ARHGEF33: variants seen among roughly 807,000 people sequenced by gnomAD.
The protein encoded by ARHGEF33 is Rho guanine nucleotide exchange factor 33.
A neutral mutation model predicts 101.9 loss-of-function variants in ARHGEF33; 72 were observed. The observed-to-expected ratio is 0.71, with a 90% confidence interval of 0.58 to 0.86. The LOEUF is 0.86. ARHGEF33 is among the 40% of genes least tolerant of loss of function. ARHGEF33 has a pLI of 0.00. For synonymous variants in ARHGEF33, 499 were observed against 442.5 expected, an observed-to-expected ratio of 1.13 and a Z score of -1.60; for missense variants, 1,169 against 1,111.3, an observed-to-expected ratio of 1.05 and a Z score of -0.74.
intron 17 of ARHGEF33, chr2:38,971,978 A>G (rs1572786844): frequency 2.8e-6 from 2 of 718,546 alleles, no homozygotes; most frequent in Non-Finnish European, 5.2e-6. Context: ...TGGAACCATC[A>G]AAGTGTGACA....
intron 9 of ARHGEF33, among the ~76,000 whole-genome samples, chr2:38,938,180 A>G (rs1382167817): frequency 6.6e-6 from 1 of 152,064 alleles, no homozygotes; most frequent in Non-Finnish European, 1.5e-5. Context: ...TTTCGGGGGC[A>G]TGGGGGAGGG....
intron 11 of ARHGEF33, among the ~76,000 whole-genome samples, chr2:38,951,469 T>C (rs543153788): frequency 6.6e-6 from 1 of 152,306 alleles, no homozygotes; most frequent in South Asian, 2.1e-4. Flanking sequence ...TATAAATGTA[T>C]GTATATATAT....
chr2:38,913,870 A>T (rs915428354), intron 2 of ARHGEF33, among the ~76,000 whole-genome samples: 2 of 152,164 alleles, frequency 1.3e-5, no homozygotes, highest in African/African-American at 4.8e-5. Flanking sequence ...ACAAATAAAC[A>T]GTTAATACGT....
intron 4 of ARHGEF33, among the ~76,000 whole-genome samples, chr2:38,923,606 T>C (rs1252087902): frequency 6.6e-6 from 1 of 152,342 alleles, no homozygotes; most frequent in East Asian, 1.9e-4. Context: ...CAGTGTAAAG[T>C]ACAATGCCTG....
In ARHGEF33 at chr2:38,973,755, C is replaced by T; in HGVS notation, c.2525C>T (p.Pro842Leu). The T allele has an allele frequency of 6.5e-7, 1 of 1,546,598 alleles. No individual in the cohort carries two copies. The highest frequency in any genetic ancestry group is 8.7e-7 in the Non-Finnish European group (1 of 1,145,072). Residue 842 changes from proline to leucine, a missense_variant, in exon 18 of 18, where the codon CCC becomes CTC. Pro to Leu is a moderately conservative substitution (Grantham distance 98, BLOSUM62 -3). Transcript: ENST00000409978. ...SEYREKTNEN[P>L]SMDPSPTKQD... ...TACAGGGAAAAAACTAATGAGAATC[C>T]CTCAATGGATCCTTCACCCACCAAA...
At position 38,937,494 on chromosome 2, in the gene ARHGEF33, T is replaced by A. The variant is rs1464291789; in HGVS notation, c.725T>A (p.Leu242His). 3 of 1,550,842 alleles carry A rather than the reference T, an allele frequency of 1.9e-6. No individual in the cohort carries two copies. The highest frequency in any genetic ancestry group is 8.7e-7 in the Non-Finnish European group (1 of 1,146,660). The stretch of plus-strand genomic sequence containing the variant: ...GTCACAAAAGACCACCCAGATAAAC[T>A]CAAGGAGGCTGGCCAGGGTAGACAC... ...EYVTKDHPDKLKEAGQGRHSS... is the reference protein window; with the variant it reads ...EYVTKDHPDKHKEAGQGRHSS... Residue 242 changes from leucine to histidine, a missense_variant, in exon 9 of 18, where the codon CTC becomes CAC. Coordinates refer to ENST00000409978, the MANE Select transcript of ARHGEF33 (RefSeq NM_001145451.5).
intron 10 of ARHGEF33, among the ~76,000 whole-genome samples, chr2:38,948,526 A>T (rs1667509478): frequency 6.6e-6 from 1 of 150,412 alleles, no homozygotes; most frequent in South Asian, 2.2e-4. Context: ...AAAGAAAGGG[A>T]GAAGGAAGGA....
chr2:38,946,894 G>A (rs754245075), intron 10 of ARHGEF33, among the ~76,000 whole-genome samples: 4 of 152,150 alleles, frequency 2.6e-5, no homozygotes, highest in Admixed American at 6.5e-5. Context: ...TCAAAGTGCT[G>A]GGATTACAGG....
intron 2 of ARHGEF33, among the ~76,000 whole-genome samples, chr2:38,903,749 A>G (rs757795445): frequency 5.9e-5 from 9 of 152,252 alleles, no homozygotes; most frequent in Admixed American, 5.2e-4. Context: ...GGGCCTAGAT[A>G]GAACACTAAA....
intron 9 of ARHGEF33, 24 bp downstream of exon 9, chr2:38,937,583 G>A (rs1003052233): frequency 9.1e-6 from 12 of 1,314,068 alleles, no homozygotes; most frequent in African/African-American, 1.5e-5. Flanking sequence ...GGGAATGCAG[G>A]CTAATAGTTT....
chr2:38,914,877 T>A (rs1572745313), intron 2 of ARHGEF33, among the ~76,000 whole-genome samples: 1 of 152,044 alleles, frequency 6.6e-6, no homozygotes, highest in South Asian at 2.1e-4. Flanking sequence ...TCAGTTGGGA[T>A]TGGGGAGGAA....
chr2:38,920,744 G>A (rs373244154), intron 3 of ARHGEF33, among the ~76,000 whole-genome samples: 66 of 152,130 alleles, frequency 4.3e-4, no homozygotes, highest in African/African-American at 1.3e-3. Flanking sequence ...CTTCCTCTGC[G>A]TGTGCCCTGT....
Position 38,937,477 on chromosome 2 carries a change from A to G in ARHGEF33, c.708A>G (p.Lys236=), listed in dbSNP as rs1473250077. The change falls in exon 9 of 18, where the codon AAA becomes AAG. Residue 236 remains lysine (K), a synonymous_variant. Coordinates refer to ENST00000409978, the MANE Select transcript of ARHGEF33 (RefSeq NM_001145451.5). ...GKEWGEEYVT[K]DHPDKLKEAG... ...AATGGGGTGAAGAATACGTCACAAA[A>G]GACCACCCAGATAAACTCAAGGAGG... 1.3e-5 allele frequency: 20 copies of G among 1,550,874 alleles called. No individual in the cohort carries two copies. Among genetic ancestry groups the G allele is most frequent in the Non-Finnish European group, 1.7e-5 (20 of 1,146,556 alleles).
chr2:38,922,035 C>T (rs1247604110), intron 4 of ARHGEF33, among the ~76,000 whole-genome samples: 1 of 152,168 alleles, frequency 6.6e-6, no homozygotes, highest in African/African-American at 2.4e-5. Context: ...TGCAAAACAT[C>T]TTTGCAGTAA....
chr2:38,900,278 T>C (rs1180596414), intron 2 of ARHGEF33, among the ~76,000 whole-genome samples: 3 of 152,126 alleles, frequency 2.0e-5, no homozygotes, highest in Admixed American at 2.0e-4. Flanking sequence ...TTTGAGAATG[T>C]AGCAGAAGAG....
chr2:38,960,970 C>CA (rs1667921595), intron 16 of ARHGEF33, among the ~76,000 whole-genome samples: 1 of 152,212 alleles, frequency 6.6e-6, no homozygotes, highest in Non-Finnish European at 1.5e-5. Context: ...GATTAACACA[C>CA]ACGCATTTAG....
intron 1 of ARHGEF33, among the ~76,000 whole-genome samples, chr2:38,894,244 A>G (rs1343057511): frequency 6.6e-6 from 1 of 151,978 alleles, no homozygotes; most frequent in Non-Finnish European, 1.5e-5. Flanking sequence ...AGGCAGGAGG[A>G]TTGCTAGAGC....
At chr2:38,961,137 C>T (rs1388190816) in intron 16 of ARHGEF33, among the ~76,000 whole-genome samples, 1 of 152,310 alleles carries the variant, frequency 6.6e-6, no homozygotes, top group East Asian at 1.9e-4. Context: ...CCACTTCTTC[C>T]CGGCAGCATT....
Position 38,960,468 on chromosome 2 carries a change from G to A in ARHGEF33, c.2163G>A (p.Val721=), listed in dbSNP as rs1283071139. ...CGCGTGCGCCGCCAGCCGACGGCGT[G>A]GCCCCACGCCTCTACAGCACGCGCA... ...EFPRAPPADG[V]APRLYSTRSS... is the part of the protein sequence containing the mutation. Residue 721 remains valine (V), a synonymous_variant, in exon 16 of 18, where the codon GTG becomes GTA. Coordinates refer to ENST00000409978, the MANE Select transcript of ARHGEF33 (RefSeq NM_001145451.5). The A allele has an allele frequency of 1.3e-6, 2 of 1,493,198 alleles. No homozygotes were observed. The highest frequency in any genetic ancestry group is 8.9e-7 in the Non-Finnish European group (1 of 1,127,806). The allele number at this position is 1,493,198 out of a possible 1,614,324, so 92.5% of individuals were successfully genotyped here.
Sources: gnomAD v4.1 joint callset for allele counts (sites outside exome capture counted in the v4.1 genomes callset) on GRCh38, gnomAD v4.1.1 for gene constraint, MANE v1.5 for transcripts, NCBI Gene and HGNC (gene_info 2026-07-23, HGNC 2026-07-21) for gene names.